PICALM: variants seen among roughly 807,000 people sequenced by gnomAD.
PICALM encodes the protein phosphatidylinositol binding clathrin assembly protein, also known as phosphatidylinositol-binding clathrin assembly protein.
In PICALM, 40 loss-of-function variants were observed where a neutral mutation model predicts 80.5. That is an observed-to-expected ratio of 0.50 (90% CI 0.39 to 0.65). PICALM has a LOEUF of 0.65. Ranked by LOEUF, PICALM falls within the 30% of genes least tolerant of loss-of-function variation. The probability of loss-of-function intolerance (pLI) is 0.00; values close to 1 mark genes in which losing one functional copy is unlikely to be tolerated. For missense variants in PICALM, 676 were observed against 778.9 expected (o/e 0.87, Z 1.57); for synonymous variants, 288 against 260.3 (o/e 1.11, Z -1.02).
chr11:86,027,835 G>A (rs1166797112), intron 2 of PICALM, among the ~76,000 whole-genome samples: 1 of 151,986 alleles, frequency 6.6e-6, no homozygotes. Flanking sequence ...AATTAGACTT[G>A]TACAACTGAG....
intron 13 of PICALM, among the ~76,000 whole-genome samples, chr11:85,988,889 T>C (rs954732644): frequency 1.3e-5 from 2 of 152,212 alleles, no homozygotes; most frequent in Admixed American, 6.5e-5. Context: ...AGAAAAGAAA[T>C]ATTAGGCAGT....
intron 1 of PICALM, among the ~76,000 whole-genome samples, chr11:86,037,066 C>G (rs888446492): frequency 1.1e-3 from 161 of 151,790 alleles, no homozygotes; most frequent in African/African-American, 3.7e-3. Context: ...CTGCCTCAGC[C>G]TGCCAAGCAG....
intron 19 of PICALM, among the ~76,000 whole-genome samples, chr11:85,959,804 T>A (rs12791520): frequency 0.096 from 14,639 of 151,980 alleles, 890 homozygotes; most frequent in Admixed American, 0.14. Context: ...GATCTTGAAC[T>A]ACTAGCCCCA....
At chr11:86,008,960 A>C (rs1161462570) in intron 7 of PICALM, among the ~76,000 whole-genome samples, 2 of 151,300 alleles carry the variant, frequency 1.3e-5, no homozygotes, top group Non-Finnish European at 1.5e-5. Context: ...GCCAAAAAAA[A>C]AAAAAAAGAA....
intron 1 of PICALM, among the ~76,000 whole-genome samples, chr11:86,051,205 C>CA (rs1283039965): frequency 6.6e-6 from 1 of 151,924 alleles, no homozygotes; most frequent in Non-Finnish European, 1.5e-5. Flanking sequence ...AAGCCTACAA[C>CA]AAAAAAAGCT....
chr11:85,987,537 A>C (rs1165726369), intron 13 of PICALM, among the ~76,000 whole-genome samples: 1 of 152,274 alleles, frequency 6.6e-6, no homozygotes, highest in Non-Finnish European at 1.5e-5. Flanking sequence ...AAAGCAATAA[A>C]GAAAAAATCA....
At chr11:86,061,667 C>A (rs560026550) in intron 1 of PICALM, among the ~76,000 whole-genome samples, 1 of 152,138 alleles carries the variant, frequency 6.6e-6, no homozygotes, top group South Asian at 2.1e-4. Flanking sequence ...TAAAATGGTA[C>A]CATCACTTTG....
rs577426776 is a variant in PICALM at position 86,011,585 on chromosome 11, G to A, written c.659-449C>T. ...AATTTATACTAATTATAGTATTGAA[G>A]ACTATGCCTTCCAAAGCTTTATAGA... is the stretch of plus-strand genomic sequence containing the variant. On this transcript the variant is annotated intron_variant, in intron 6 of 19. Coordinates refer to ENST00000393346, the MANE Select transcript of PICALM (RefSeq NM_007166.4). Among the ~76,000 whole-genome samples the A allele has an allele frequency of 7.9e-4, 120 of 152,234 alleles. 1 individual carries two copies. The highest frequency in any genetic ancestry group is 2.8e-3 in the African/African-American group (117 of 41,552).
Position 85,958,110 on chromosome 11 carries a change from G to A in PICALM, c.*936C>T, listed in dbSNP as rs2093578437. On this transcript the variant is annotated 3_prime_UTR_variant, in exon 20 of 20. Transcript: ENST00000393346. ...AAAGCAATTCCTCACATTCATTTTG[G>A]AAAGGCCCTAATGTCAAATGGAAAA... 4.5e-6 allele frequency: 1 copy of A among 223,652 alleles called. No individual in the cohort carries two copies. The allele number at this position is 223,652 out of a possible 1,614,324, so 13.9% of individuals were successfully genotyped here.
At chr11:86,054,755 T>G (rs2096244391) in intron 1 of PICALM, among the ~76,000 whole-genome samples, 1 of 152,186 alleles carries the variant, frequency 6.6e-6, no homozygotes, top group African/African-American at 2.4e-5. Flanking sequence ...CAGGCTCCTT[T>G]TAAGGTAAGA....
Position 86,011,025 on chromosome 11 carries a change from T to A in PICALM, c.765+5A>T. 1.5e-6 allele frequency: 2 copies of A among 1,360,176 alleles called. No individual in the cohort carries two copies. The highest frequency in any genetic ancestry group is 2.1e-6 in the Non-Finnish European group (2 of 959,486). The allele number at this position is 1,360,176 out of a possible 1,614,324, so 84.3% of individuals were successfully genotyped here. On this transcript the variant is annotated splice_donor_5th_base_variant and intron_variant, in intron 7 of 19. Coordinates refer to ENST00000393346, the MANE Select transcript of PICALM (RefSeq NM_007166.4). ...TTAGGAGACAGTCACTTAAAGACAG[T>A]TTACCTCTGCAACTTTGAGGAACTC...
intron 19 of PICALM, among the ~76,000 whole-genome samples, chr11:85,961,425 T>C (rs2093684872): frequency 6.6e-6 from 1 of 152,214 alleles, no homozygotes; most frequent in Non-Finnish European, 1.5e-5. Context: ...ACTTAAGATC[T>C]TTGATTCTGC....
intron 19 of PICALM, among the ~76,000 whole-genome samples, chr11:85,968,925 A>T (rs1303746196): frequency 3.3e-5 from 5 of 151,586 alleles, no homozygotes; most frequent in Non-Finnish European, 7.4e-5. Flanking sequence ...GAAAATATCT[A>T]AAAAATACAG....
chr11:86,068,541 A>G, intron 1 of PICALM, 110 bp downstream of exon 1: 1 of 1,038,496 alleles, frequency 9.6e-7, no homozygotes, highest in Non-Finnish European at 1.4e-6. Context: ...GCCAGAGAAG[A>G]CGCAGGGAGG....
At chr11:86,013,284 C>T (rs2095429140) in intron 5 of PICALM, among the ~76,000 whole-genome samples, 1 of 151,856 alleles carries the variant, frequency 6.6e-6, no homozygotes, top group Admixed American at 6.6e-5. Flanking sequence ...CACAGAACTC[C>T]AGCCAGGGTG....
In PICALM at chr11:86,068,801, C is replaced by A; in HGVS notation, c.-21G>T. ...GACATCTCTGCAGCTCCTCCACCAC[C>A]CCACCCGCTCAGCAGCCGGCGGGGA... is the stretch of plus-strand genomic sequence containing the variant. On this transcript the variant is annotated 5_prime_UTR_variant, in exon 1 of 20. Transcript: ENST00000393346. 6 of 1,589,676 alleles carry A rather than the reference C, an allele frequency of 3.8e-6. No individual in the cohort carries two copies. The highest frequency in any genetic ancestry group is 5.1e-6 in the Non-Finnish European group (6 of 1,171,896).
rs760185736 is a variant in PICALM at position 85,981,859 on chromosome 11, A to G, written c.1648+13T>C. Reference sequence around the variant, plus strand: ...AACATAAAAGAAGATTAACGTATCCAAAGACTACTTACTGCCCACAAGGTT... The same window carrying G: ...AACATAAAAGAAGATTAACGTATCCGAAGACTACTTACTGCCCACAAGGTT... On this transcript the variant is annotated intron_variant, in intron 15 of 19. Coordinates refer to ENST00000393346, the MANE Select transcript of PICALM (RefSeq NM_007166.4). The G allele has an allele frequency of 6.2e-6, 10 of 1,613,298 alleles. No individual in the cohort carries two copies. The highest frequency in any genetic ancestry group is 6.8e-6 in the Non-Finnish European group (8 of 1,179,332).
chr11:86,017,572 G>A (rs1423644066), intron 4 of PICALM, among the ~76,000 whole-genome samples: 3 of 152,142 alleles, frequency 2.0e-5, no homozygotes, highest in Non-Finnish European at 4.4e-5. Context: ...AATCCTGACA[G>A]GAAAGTACTA....
chr11:86,029,912 A>G (rs1000790673), intron 2 of PICALM, among the ~76,000 whole-genome samples: 3 of 152,226 alleles, frequency 2.0e-5, no homozygotes, highest in African/African-American at 7.2e-5. Context: ...CAACTAACAT[A>G]AGTCCTAAAA....
Sources: gnomAD v4.1 joint callset for allele counts (sites outside exome capture counted in the v4.1 genomes callset) on GRCh38, gnomAD v4.1.1 for gene constraint, MANE v1.5 for transcripts, NCBI Gene and HGNC (gene_info 2026-07-23, HGNC 2026-07-21) for gene names.